CD300C: variants seen among roughly 807,000 people sequenced by gnomAD.
The protein encoded by CD300C is CD300c molecule.
Under a neutral mutation model 18.4 loss-of-function variants are expected in CD300C, and 11 were observed. The observed-to-expected ratio is 0.60, with a 90% confidence interval of 0.38 to 0.99. The LOEUF (loss-of-function observed/expected upper bound fraction) is 0.99. Ranked by LOEUF, CD300C falls within the 50% of genes least tolerant of loss-of-function variation. CD300C has a pLI of 0.01. For synonymous variants in CD300C, 116 were observed against 116.3 expected (o/e 1.00, Z 0.02); for missense variants, 277 against 287.4 (o/e 0.96, Z 0.26).
At chr17:74,537,198 GAA>G (rs1028002399), downstream of CD300C, among the ~76,000 whole-genome samples, 1 of 151,990 alleles carries the variant, frequency 6.6e-6, no homozygotes, top group African/African-American at 2.4e-5. Context: ...AGGAAAATAA[GAA>G]GAGCACAAAA....
chr17:74,542,017 C>T (rs564982779), intron 3 of CD300C, among the ~76,000 whole-genome samples: 5 of 152,168 alleles, frequency 3.3e-5, no homozygotes, highest in Non-Finnish European at 7.4e-5. Flanking sequence ...AGCTGTCTAC[C>T]TCTGTGCTCC....
chr17:74,545,836 A>C lies in CD300C; in HGVS notation c.-54T>G. 1 of 1,416,310 alleles carries C rather than the reference A, an allele frequency of 7.1e-7. No individual in the cohort carries two copies. The highest frequency in any genetic ancestry group is 1.2e-5 in the South Asian group (1 of 83,742). The allele number at this position is 1,416,310 out of a possible 1,614,324, so 87.7% of individuals were successfully genotyped here. On this transcript the variant is annotated 5_prime_UTR_variant, in exon 1 of 4. Coordinates refer to ENST00000330793, the MANE Select transcript of CD300C (RefSeq NM_006678.5). ...GTGCAAGACCCCAGGAGGGGACAAA[A>C]TGTAATCTCCTCCCAGCAGATCTGA...
chr17:74,544,515 G>A, intron 2 of CD300C, 94 bp downstream of exon 2: 1 of 1,408,220 alleles, frequency 7.1e-7, no homozygotes, highest in Non-Finnish European at 9.7e-7. Context: ...CCAACCCCCA[G>A]GCTCACACCC....
chr17:74,534,650 C>G, the CD300C span, among the ~76,000 whole-genome samples: 7 of 152,180 alleles, frequency 4.6e-5, no homozygotes, highest in Non-Finnish European at 1.0e-4. Flanking sequence ...TAAAATAATG[C>G]TTTTATTCTC....
chr17:74,544,199 G>A (rs1908664134), intron 2 of CD300C, among the ~76,000 whole-genome samples: 1 of 152,150 alleles, frequency 6.6e-6, no homozygotes, highest in African/African-American at 2.4e-5. Flanking sequence ...ACCCAGGCGG[G>A]ACAGTGGGCA....
intron 2 of CD300C, 89 bp from the exon 3 acceptor site, chr17:74,543,076 G>T (rs1272936213): frequency 9.1e-6 from 14 of 1,544,868 alleles, no homozygotes; most frequent in Admixed American, 1.7e-5. Context: ...CACAGACAAG[G>T]TCACCAATGA....
rs1191413362 is a variant in CD300C, at chr17:74,542,953, G to A, written c.435C>T (p.Ser145=). ...GTTTASSPQS[S]MGTSGPPTKL... is the part of the protein sequence containing the mutation. ...TCGTGGGAGGACCTGAGGTGCCCAT[G>A]GAGCTCTGGGGGCTGGAGGCTGTGG... The change falls in exon 3 of 4, where the codon TCC becomes TCT. Residue 145 remains serine (S), a synonymous_variant. Coordinates refer to ENST00000330793, the MANE Select transcript of CD300C (RefSeq NM_006678.5). 1 of 1,613,496 alleles carries A rather than the reference G, an allele frequency of 6.2e-7. No homozygotes were observed. The highest frequency in any genetic ancestry group is 1.3e-5 in the African/African-American group (1 of 74,952).
At chr17:74,544,120 A>T (rs901036719) in intron 2 of CD300C, among the ~76,000 whole-genome samples, 1 of 152,192 alleles carries the variant, frequency 6.6e-6, no homozygotes, top group African/African-American at 2.4e-5. Flanking sequence ...GCCCCAGGGC[A>T]GGGGCAGCCT....
chr17:74,536,532 C>CA (rs376317178), downstream of CD300C, among the ~76,000 whole-genome samples: 48,888 of 108,966 alleles, frequency 0.45, 12,166 homozygotes, highest in Middle Eastern at 0.7. Context: ...GACTCCGTCT[C>CA]AAAAAAAAAA....
downstream of CD300C, among the ~76,000 whole-genome samples, chr17:74,538,952 G>A (rs116212675): frequency 0.016 from 2,368 of 152,222 alleles, 52 homozygotes; most frequent in African/African-American, 0.053. Flanking sequence ...CCCAGGAGGC[G>A]GGAACCCAGG....
At position 74,544,853 on chromosome 17, in the gene CD300C, G is replaced by A; in HGVS notation, c.156C>T (p.Leu52=). Residue 52 remains leucine, a synonymous_variant, in exon 2 of 4, where the codon CTC becomes CTT. Coordinates refer to ENST00000330793, the MANE Select transcript of CD300C (RefSeq NM_006678.5). ...GTGGTGGTCTGCACCAGAATTTGTT[G>A]AGGGTCCTGTGTTCCTTCTCATAGC... The part of the protein sequence containing the change: ...QCRYEKEHRT[L]NKFWCRPPQI... 6.2e-7 allele frequency: 1 copy of A among 1,614,228 alleles called. No homozygotes were observed. Among genetic ancestry groups the A allele is most frequent in the South Asian group, 1.1e-5 (1 of 91,080 alleles).
chr17:74,545,938 G>T lies in CD300C; in HGVS notation c.-156C>A, dbSNP rs558442458. 2.2e-4 allele frequency: 151 copies of T among 679,318 alleles called. 4 individuals carry two copies. The South Asian group carries it at 2.6e-3, about 12-fold the overall frequency. The allele number at this position is 679,318 out of a possible 1,614,324, so 42.1% of individuals were successfully genotyped here. On this transcript the variant is annotated 5_prime_UTR_variant, in exon 1 of 4. Coordinates refer to ENST00000330793, the MANE Select transcript of CD300C (RefSeq NM_006678.5). ...CAGGTCTGAGGCTGGAGAGGGTCAG[G>T]GTACAGGAAGCTCAGGGAGAGAGCC...
chr17:74,541,479 A>G lies in CD300C; in HGVS notation c.*110T>C. ...GGAAAAGGCTGAAGGAGGCTCACAA[A>G]GGATTCCAGGAGATGTGGAGAGAGC... On this transcript the variant is annotated 3_prime_UTR_variant, in exon 4 of 4. Coordinates refer to ENST00000330793, the MANE Select transcript of CD300C (RefSeq NM_006678.5). 2 of 754,998 alleles carry G rather than the reference A, an allele frequency of 2.6e-6. No homozygotes were observed. Among genetic ancestry groups the G allele is most frequent in the Non-Finnish European group, 4.7e-6 (2 of 424,554 alleles). 46.8% of individuals were successfully genotyped at this position (754,998 alleles called of 1,614,324 possible). A position where few individuals can be genotyped will look rare whatever the true frequency, so the allele number is the denominator to read the frequency against.
chr17:74,537,619 A>T (rs1482831677), downstream of CD300C, among the ~76,000 whole-genome samples: 1 of 129,700 alleles, frequency 7.7e-6, no homozygotes, highest in Non-Finnish European at 1.7e-5. Flanking sequence ...AAAGAGTGAG[A>T]CTCCATCTCA....
At position 74,545,882 on chromosome 17, in the gene CD300C, C is replaced by G; in HGVS notation, c.-100G>C. ...TCTGAGCTTCGCTTCTGCTTTTCTT[C>G]TGCTCTCTGCTTCCTTGTCCAGCCC... On this transcript the variant is annotated 5_prime_UTR_variant, in exon 1 of 4. Transcript: ENST00000330793. The G allele has an allele frequency of 1.0e-6, 1 of 971,770 alleles. No homozygotes were observed. Among genetic ancestry groups the G allele is most frequent in the Non-Finnish European group, 1.6e-6 (1 of 632,910 alleles). The allele number at this position is 971,770 out of a possible 1,614,324, so 60.2% of individuals were successfully genotyped here. A position where few individuals can be genotyped will look rare whatever the true frequency, so the allele number is the denominator to read the frequency against.
intron 1 of CD300C, among the ~76,000 whole-genome samples, chr17:74,545,318 A>G (rs1403252246): frequency 7.7e-6 from 1 of 129,144 alleles, no homozygotes; most frequent in African/African-American, 2.8e-5. Flanking sequence ...CTGTGTGTGC[A>G]TGTGTGACTG....
downstream of CD300C, among the ~76,000 whole-genome samples, chr17:74,540,335 G>A (rs1023622078): frequency 5.9e-5 from 9 of 152,228 alleles, no homozygotes; most frequent in East Asian, 1.9e-4. Flanking sequence ...ATTTTACTCC[G>A]TGGCTCTTTT....
chr17:74,534,921 G>C, the CD300C span, among the ~76,000 whole-genome samples: 1 of 152,160 alleles, frequency 6.6e-6, no homozygotes. Flanking sequence ...AAGAGGACAA[G>C]ATTGCTCAAA....
At chr17:74,535,197 G>A in the CD300C span, among the ~76,000 whole-genome samples, 48 of 152,158 alleles carry the variant, frequency 3.2e-4, no homozygotes, top group Admixed American at 1.4e-3. Flanking sequence ...GGCGGGGCGC[G>A]GTGGCTCATG....
Sources: allele counts gnomAD v4.1 joint callset (sites outside exome capture counted in the v4.1 genomes callset), GRCh38; gene constraint gnomAD v4.1.1; transcripts MANE v1.5; gene names NCBI Gene and HGNC (gene_info 2026-07-23, HGNC 2026-07-21).